RXRA: variants seen among roughly 807,000 people sequenced by gnomAD.
RXRA encodes retinoid X receptor alpha.
Under a neutral mutation model 44.5 loss-of-function variants are expected in RXRA, and 5 were observed. The observed-to-expected ratio is 0.11, with a 90% CI of 0.06 to 0.24. RXRA has a LOEUF of 0.24. RXRA is among the 10% of genes least tolerant of loss of function. RXRA has a pLI of 1.00. For missense variants in RXRA, 412 were observed against 646.5 expected (o/e 0.64, Z 3.93); for synonymous variants, 291 against 271.4 (o/e 1.07, Z -0.71).
intron 1 of RXRA, chr9:134,380,277 C>A: frequency 1.2e-6 from 1 of 826,558 alleles, no homozygotes; most frequent in Non-Finnish European, 1.5e-6. Flanking sequence ...TGTGAGCTGG[C>A]GTGCTGAGGC....
At chr9:134,370,380 C>G (rs1830476811) in intron 1 of RXRA, among the ~76,000 whole-genome samples, 1 of 152,192 alleles carries the variant, frequency 6.6e-6, no homozygotes, top group Admixed American at 6.5e-5. Context: ...CCGGCTGGTT[C>G]CAAGGCCTTT....
At chr9:134,350,912 C>T (rs1236208744) in intron 1 of RXRA, among the ~76,000 whole-genome samples, 2 of 152,250 alleles carry the variant, frequency 1.3e-5, no homozygotes, top group Non-Finnish European at 2.9e-5. Flanking sequence ...ACGTCAGCAC[C>T]TCGGCTGTGT....
intron 1 of RXRA, among the ~76,000 whole-genome samples, chr9:134,363,982 T>C (rs1830384391): frequency 6.6e-6 from 1 of 152,150 alleles, no homozygotes; most frequent in African/African-American, 2.4e-5. Flanking sequence ...GTGGGCATAC[T>C]GGGTCCGTGC....
At chr9:134,421,841 A>G (rs899969865) in intron 6 of RXRA, 36 bp downstream of exon 6, 2 of 1,609,754 alleles carry the variant, frequency 1.2e-6, no homozygotes, top group East Asian at 2.2e-5. Context: ...TGGGGATGCC[A>G]TGCAGATGGG....
chr9:134,419,189 G>T (rs1356569732), intron 5 of RXRA, among the ~76,000 whole-genome samples: 1 of 152,238 alleles, frequency 6.6e-6, no homozygotes, highest in African/African-American at 2.4e-5. Context: ...CGCCTCACCA[G>T]CCTCGCGGAG....
rs1831066957 is a variant in RXRA, at chr9:134,407,280, AG to A, written c.280-868del. On this transcript the variant is annotated intron_variant, in intron 2 of 9. Coordinates refer to ENST00000481739, the MANE Select transcript of RXRA (RefSeq NM_002957.6). This position sits in a 1 kb window ranked among gnomAD's most constrained non-coding sequence, Gnocchi z 4.8. ...GGAGGCCTGAGGAAGGAAGGAGGGG[AG>A]CTTCCTGCGCACAAGCGGCGGCAGG... is the stretch of plus-strand genomic sequence containing the variant. Among the ~76,000 whole-genome samples the A allele has an allele frequency of 6.6e-6, 1 of 152,166 alleles. No individual in the cohort carries two copies. The highest frequency in any genetic ancestry group is 1.5e-5 in the Non-Finnish European group (1 of 68,014).
rs762069924 is a variant in RXRA, at chr9:134,431,908, G to A, written c.1047G>A (p.Val349=). The change falls in exon 8 of 10, where the codon GTG becomes GTA. Residue 349 remains valine, a synonymous_variant. Coordinates refer to ENST00000481739, the MANE Select transcript of RXRA (RefSeq NM_002957.6). The part of the protein sequence containing the change: ...SAGVGAIFDR[V]LTELVSKMRD... The stretch of plus-strand genomic sequence containing the variant: ...TGTCTGCCCTCCTCCTCTGCAGGGT[G>A]CTGACGGAGCTTGTGTCCAAGATGC... The A allele has an allele frequency of 2.5e-6, 4 of 1,613,348 alleles. No individual in the cohort carries two copies. Among genetic ancestry groups the A allele is most frequent in the Non-Finnish European group, 3.4e-6 (4 of 1,179,510 alleles).
intron 1 of RXRA, among the ~76,000 whole-genome samples, chr9:134,380,614 TG>T (rs1431483298): frequency 6.6e-6 from 1 of 152,000 alleles, no homozygotes. Flanking sequence ...ATGGGGTCCC[TG>T]CTCTCTGTGG....
intron 6 of RXRA, chr9:134,427,112 C>G: frequency 2.0e-6 from 2 of 984,516 alleles, no homozygotes; most frequent in Non-Finnish European, 2.4e-6. Context: ...TTGAGGGGGC[C>G]TCTTCTAGAT....
At chr9:134,409,699 T>C (rs1831116587) in intron 4 of RXRA, among the ~76,000 whole-genome samples, 1 of 152,202 alleles carries the variant, frequency 6.6e-6, no homozygotes, top group African/African-American at 2.4e-5. Context: ...GCTGTAGTCC[T>C]CAGTTTCCCC....
intron 1 of RXRA, among the ~76,000 whole-genome samples, chr9:134,350,079 G>A (rs532699698): frequency 3.9e-5 from 6 of 151,966 alleles, no homozygotes; most frequent in Admixed American, 1.3e-4. Context: ...TGTGTGTAGG[G>A]GGGGGTGGAA....
chr9:134,387,576 C>T (rs1348597608), intron 1 of RXRA, among the ~76,000 whole-genome samples: 1 of 152,250 alleles, frequency 6.6e-6, no homozygotes, highest in East Asian at 1.9e-4. Context: ...CGGGCAGTCT[C>T]TGGGAGCCAC....
chr9:134,385,731 G>C (rs1830710355), intron 1 of RXRA, among the ~76,000 whole-genome samples: 1 of 152,224 alleles, frequency 6.6e-6, no homozygotes, highest in South Asian at 2.1e-4. Context: ...CGGTTTTCCA[G>C]CACTCCTGCA....
intron 1 of RXRA, among the ~76,000 whole-genome samples, chr9:134,374,806 CG>C (rs1165924398): frequency 6.6e-6 from 1 of 152,232 alleles, no homozygotes; most frequent in Non-Finnish European, 1.5e-5. Flanking sequence ...GGCAGTGCCT[CG>C]TGTTACTGCT....
At chr9:134,356,337 G>A (rs1830283033) in intron 1 of RXRA, among the ~76,000 whole-genome samples, 1 of 152,178 alleles carries the variant, frequency 6.6e-6, no homozygotes, top group Non-Finnish European at 1.5e-5. Flanking sequence ...AAGCGGGGAA[G>A]AGTTTCTACC....
intron 1 of RXRA, among the ~76,000 whole-genome samples, chr9:134,355,900 G>A (rs1830277489): frequency 6.6e-6 from 1 of 152,140 alleles, no homozygotes; most frequent in African/African-American, 2.4e-5. Flanking sequence ...CAGAGGCTTT[G>A]AGGAGGTCAG....
chr9:134,369,327 G>T (rs111207675), intron 1 of RXRA, among the ~76,000 whole-genome samples: 1,421 of 69,626 alleles, frequency 0.02, 61 homozygotes, highest in African/African-American at 0.096. Context: ...TGTGTGTGTG[G>T]GGGGGGTTAT....
chr9:134,345,998 G>C (rs1205484749), intron 1 of RXRA, among the ~76,000 whole-genome samples: 1 of 152,126 alleles, frequency 6.6e-6, no homozygotes. Context: ...TGCGTCTTAC[G>C]GTGTTCATAT....
intron 1 of RXRA, among the ~76,000 whole-genome samples, chr9:134,378,402 C>T (rs1830591564): frequency 6.6e-6 from 1 of 152,052 alleles, no homozygotes; most frequent in Non-Finnish European, 1.5e-5. Flanking sequence ...ACCCTTGCCA[C>T]CCAAGAGGGC....
Sources: gnomAD v4.1 joint callset for allele counts (sites outside exome capture counted in the v4.1 genomes callset) on GRCh38, gnomAD v4.1.1 for gene constraint, Gnocchi (gnomAD v3.1) non-coding constraint, MANE v1.5 for transcripts, NCBI Gene and HGNC (gene_info 2026-07-23, HGNC 2026-07-21) for gene names.